Variants in TRPS1 observed in about 807,000 individuals in gnomAD.
TRPS1 encodes zinc finger transcription factor Trps1.
TRPS1 carries 6 observed loss-of-function variants against 101.2 expected under a neutral mutation model. The ratio of observed to expected loss-of-function variants is 0.06; its 90% CI spans 0.03 to 0.12. TRPS1 has a LOEUF of 0.12. Among genes scored for constraint, TRPS1 ranks in the 10% least tolerant of loss-of-function variants. The probability of loss-of-function intolerance (pLI) is 1.00; values close to 1 mark genes in which losing one functional copy is unlikely to be tolerated. For synonymous variants in TRPS1, 578 were observed against 589.8 expected (o/e 0.98, Z 0.29); for missense variants, 1,363 against 1,567.0 (o/e 0.87, Z 2.20).
intron 5 of TRPS1, among the ~76,000 whole-genome samples, chr8:115,427,001 G>A (rs1813203425): frequency 6.6e-6 from 1 of 152,116 alleles, no homozygotes; most frequent in African/African-American, 2.4e-5. Flanking sequence ...GCCAGGCGTG[G>A]TAGCTCATGC....
chr8:115,596,706 G>A (rs1268213287), intron 4 of TRPS1, among the ~76,000 whole-genome samples: 1 of 151,374 alleles, frequency 6.6e-6, no homozygotes, highest in Non-Finnish European at 1.5e-5. Flanking sequence ...ATATCTATGT[G>A]CATATATCAT....
At chr8:115,630,566 T>C (rs1818617062) in intron 1 of TRPS1, among the ~76,000 whole-genome samples, 1 of 151,964 alleles carries the variant, frequency 6.6e-6, no homozygotes, top group African/African-American at 2.4e-5. Flanking sequence ...AAGTCAGAGG[T>C]AGGTTTTTTT....
At chr8:115,450,439 A>G (rs1308032570) in intron 5 of TRPS1, among the ~76,000 whole-genome samples, 2 of 152,186 alleles carry the variant, frequency 1.3e-5, no homozygotes, top group African/African-American at 4.8e-5. Context: ...TCCATTTCCA[A>G]AAATTAGATA....
At chr8:115,500,381 A>G (rs1347617705) in intron 5 of TRPS1, among the ~76,000 whole-genome samples, 1 of 152,066 alleles carries the variant, frequency 6.6e-6, no homozygotes, top group Non-Finnish European at 1.5e-5. Flanking sequence ...GTTACAAAAC[A>G]GTCAGTGTAA....
chr8:115,636,693 A>G (rs929720583), intron 1 of TRPS1, among the ~76,000 whole-genome samples: 2 of 151,948 alleles, frequency 1.3e-5, no homozygotes, highest in African/African-American at 2.4e-5. Context: ...GCAGGAGGAT[A>G]GCCTGAGGCC....
chr8:115,641,351 A>C (rs1818890726), intron 1 of TRPS1, among the ~76,000 whole-genome samples: 1 of 152,188 alleles, frequency 6.6e-6, no homozygotes, highest in Non-Finnish European at 1.5e-5. Context: ...ACATCATTTA[A>C]ATTTTGGAAT....
At chr8:115,457,036 T>C (rs1000271385) in intron 5 of TRPS1, among the ~76,000 whole-genome samples, 1 of 152,100 alleles carries the variant, frequency 6.6e-6, no homozygotes, top group Admixed American at 6.6e-5. Flanking sequence ...CATTTTTTGT[T>C]TATAGTCAAG....
intron 6 of TRPS1, among the ~76,000 whole-genome samples, chr8:115,417,917 G>T (rs1455751031): frequency 6.6e-6 from 1 of 152,042 alleles, no homozygotes; most frequent in Non-Finnish European, 1.5e-5. Context: ...TAGAAAACAC[G>T]AATTCTTTCC....
In TRPS1 at chr8:115,632,957, C is replaced by G. The variant is rs115101576; in HGVS notation, c.-121-9199G>C. On this transcript the variant is annotated intron_variant, in intron 1 of 6. Transcript: ENST00000395715. ...ATTCATTGAGCTACAGACTTAAGATCTGTGCACTTTTCAGCTAAAGTTTAA... is the reference window on the plus strand; with the variant it reads ...ATTCATTGAGCTACAGACTTAAGATGTGTGCACTTTTCAGCTAAAGTTTAA... Among the ~76,000 whole-genome samples the G allele has an allele frequency of 9.2e-3, 1,399 of 152,212 alleles. 33 individuals are homozygous for G. The highest frequency in any genetic ancestry group is 0.032 in the African/African-American group (1,346 of 41,534).
At chr8:115,470,687 G>T (rs1402488981) in intron 5 of TRPS1, among the ~76,000 whole-genome samples, 1 of 151,984 alleles carries the variant, frequency 6.6e-6, no homozygotes, top group Non-Finnish European at 1.5e-5. Context: ...TAATATTTAA[G>T]AACAACAAAA....
chr8:115,562,374 G>A (rs371648463), intron 5 of TRPS1, among the ~76,000 whole-genome samples: 2 of 151,766 alleles, frequency 1.3e-5, no homozygotes, highest in Non-Finnish European at 2.9e-5. Context: ...TAAAGAAGTT[G>A]TTTATTTAAA....
chr8:115,421,991 C>T (rs1813074174), intron 5 of TRPS1, among the ~76,000 whole-genome samples: 1 of 152,162 alleles, frequency 6.6e-6, no homozygotes, highest in Admixed American at 6.5e-5. Flanking sequence ...AAAAGAAAAG[C>T]ACTAACGATC....
intron 5 of TRPS1, among the ~76,000 whole-genome samples, chr8:115,534,682 A>G (rs955392227): frequency 1.3e-5 from 2 of 152,212 alleles, no homozygotes; most frequent in Non-Finnish European, 2.9e-5. Context: ...TCCTTTTTGA[A>G]GATCAAGGTA....
chr8:115,542,938 A>G (rs1816487674), intron 5 of TRPS1, among the ~76,000 whole-genome samples: 1 of 152,182 alleles, frequency 6.6e-6, no homozygotes, highest in Non-Finnish European at 1.5e-5. Flanking sequence ...CTTTCAATTT[A>G]TTGAACAAAT....
At chr8:115,470,974 T>C (rs1814454767) in intron 5 of TRPS1, among the ~76,000 whole-genome samples, 1 of 152,210 alleles carries the variant, frequency 6.6e-6, no homozygotes, top group East Asian at 1.9e-4. Flanking sequence ...CTGTACAACA[T>C]AGTGTTCTGC....
intron 5 of TRPS1, among the ~76,000 whole-genome samples, chr8:115,421,591 G>A (rs1181951615): frequency 1.3e-5 from 2 of 152,180 alleles, no homozygotes; most frequent in Non-Finnish European, 2.9e-5. Flanking sequence ...TTGCATGGGG[G>A]TGGAGAGTGG....
At chr8:115,659,381 T>C (rs1811744462) in intron 1 of TRPS1, among the ~76,000 whole-genome samples, 1 of 151,716 alleles carries the variant, frequency 6.6e-6, no homozygotes, top group South Asian at 2.1e-4. Context: ...ATATTCCGTA[T>C]TTTTTAATTT....
intron 5 of TRPS1, among the ~76,000 whole-genome samples, chr8:115,488,745 C>A (rs1466830522): frequency 2.0e-5 from 3 of 151,884 alleles, no homozygotes; most frequent in African/African-American, 7.3e-5. Context: ...CTTTTAGAGA[C>A]CACATTTTCC....
At chr8:115,623,027 G>A (rs1818431176) in intron 2 of TRPS1, among the ~76,000 whole-genome samples, 1 of 151,964 alleles carries the variant, frequency 6.6e-6, no homozygotes, top group South Asian at 2.1e-4. Context: ...AGATATAATG[G>A]GTCATAGTTT....
Sources: allele counts gnomAD v4.1 joint callset (sites outside exome capture counted in the v4.1 genomes callset), GRCh38; gene constraint gnomAD v4.1.1; transcripts MANE v1.5; gene names NCBI Gene and HGNC (gene_info 2026-07-23, HGNC 2026-07-21).